ACTN2: variants seen among roughly 807,000 people sequenced by gnomAD.
ACTN2 encodes the protein actinin alpha 2.
ACTN2 carries 39 observed loss-of-function variants against 113.8 expected under a neutral mutation model. The ratio of observed to expected loss-of-function variants is 0.34; its 90% confidence interval spans 0.27 to 0.45. The LOEUF (loss-of-function observed/expected upper bound fraction) is 0.45. Ranked by LOEUF, ACTN2 falls within the 20% of genes least tolerant of loss-of-function variation. ACTN2 has a pLI of 1.00. For missense variants in ACTN2, 992 were observed against 1,177.9 expected (o/e 0.84, Z 2.31); for synonymous variants, 429 against 444.1 (o/e 0.97, Z 0.43).
intron 18 of ACTN2, 120 bp downstream of exon 18, chr1:236,757,752 A>G (rs1366429846): frequency 7.3e-7 from 1 of 1,364,230 alleles, no homozygotes; most frequent in Non-Finnish European, 1.0e-6. Flanking sequence ...GAAACAGGAT[A>G]GTTAATGACA....
intron 4 of ACTN2, among the ~76,000 whole-genome samples, chr1:236,722,786 T>C (rs1327178887): frequency 2.0e-5 from 3 of 152,172 alleles, no homozygotes; most frequent in African/African-American, 7.2e-5. Context: ...GTAACATGCT[T>C]TTTATACCAT....
At chr1:236,725,837 A>T in intron 4 of ACTN2, 96 bp from the exon 5 acceptor site, 1 of 1,085,150 alleles carries the variant, frequency 9.2e-7, no homozygotes, top group South Asian at 1.2e-5. Flanking sequence ...CCCCTGGGTG[A>T]TCGACCCCCT....
At chr1:236,749,685 C>T (rs1659339154) in intron 14 of ACTN2, among the ~76,000 whole-genome samples, 1 of 152,116 alleles carries the variant, frequency 6.6e-6, no homozygotes, top group Admixed American at 6.5e-5. Context: ...CCTGGAGTCC[C>T]AGCTACTGGG....
At chr1:236,735,781 G>T in intron 8 of ACTN2, 61 bp downstream of exon 8, 1 of 1,391,072 alleles carries the variant, frequency 7.2e-7, no homozygotes, top group Non-Finnish European at 1.0e-6. Context: ...AGTTGTGTGT[G>T]CATACTTGAG....
chr1:236,743,937 G>A (rs569231582), intron 11 of ACTN2, among the ~76,000 whole-genome samples: 22 of 152,290 alleles, frequency 1.4e-4, no homozygotes, highest in African/African-American at 4.3e-4. Context: ...TTAGAGTAGC[G>A]TCTAGTACAC....
At chr1:236,713,578 A>G (rs1356559090) in intron 1 of ACTN2, among the ~76,000 whole-genome samples, 1 of 152,226 alleles carries the variant, frequency 6.6e-6, no homozygotes, top group Admixed American at 6.5e-5. Context: ...ACCAAAGGGA[A>G]AAAAAAGACG....
In ACTN2 at chr1:236,686,534, C is replaced by T. The variant is rs1350601117; in HGVS notation, c.-140C>T. 9.1e-6 allele frequency: 9 copies of T among 991,542 alleles called. No homozygotes were observed. The highest frequency in any genetic ancestry group is 5.2e-5 in the African/African-American group (3 of 57,350). The allele number at this position is 991,542 out of a possible 1,614,324, so 61.4% of individuals were successfully genotyped here. On this transcript the variant is annotated 5_prime_UTR_variant, in exon 1 of 21. Coordinates refer to ENST00000366578, the MANE Select transcript of ACTN2 (RefSeq NM_001103.4). Reference sequence around the variant, plus strand: ...CTTCGCCCGAGACCCAGCGCCCAGGCGTGTCGCCCCGAGAGGAGCCGCGCG... The same window carrying T: ...CTTCGCCCGAGACCCAGCGCCCAGGTGTGTCGCCCCGAGAGGAGCCGCGCG...
Position 236,754,934 on chromosome 1 carries a change from G to C in ACTN2, c.1975-85G>C. 1 of 1,531,280 alleles carries C rather than the reference G, an allele frequency of 6.5e-7. No homozygotes were observed. Among genetic ancestry groups the C allele is most frequent in the Non-Finnish European group, 9.0e-7 (1 of 1,106,490 alleles). 94.9% of individuals were successfully genotyped at this position (1,531,280 alleles called of 1,614,324 possible). ...GACGCTGGCCTAGCATCCCATGCAGGGTCTGGAACGGCGCCTCGTGCCGAG... is the reference window on the plus strand; with the variant it reads ...GACGCTGGCCTAGCATCCCATGCAGCGTCTGGAACGGCGCCTCGTGCCGAG... On this transcript the variant is annotated intron_variant, in intron 16 of 20. Transcript: ENST00000366578. This position sits in a 1 kb window ranked among gnomAD's most constrained non-coding sequence, Gnocchi z 4.9.
chr1:236,693,720 C>G (rs1435309206), intron 1 of ACTN2, among the ~76,000 whole-genome samples: 3 of 152,136 alleles, frequency 2.0e-5, no homozygotes, highest in Non-Finnish European at 4.4e-5. Context: ...AGGGTGGTGG[C>G]CTCCCTTTTT....
At chr1:236,725,739 C>T (rs992169278) in intron 4 of ACTN2, among the ~76,000 whole-genome samples, 194 bp from the exon 5 acceptor site, 2 of 152,164 alleles carry the variant, frequency 1.3e-5, no homozygotes, top group Admixed American at 6.5e-5. Flanking sequence ...CTGCATTGTC[C>T]TTTTGAAGTC....
Position 236,686,506 on chromosome 1 carries a change from G to A in ACTN2, c.-168G>A, listed in dbSNP as rs1572086527. ...CGGCAGCTGCTCGCAGCCGGAGCTG[G>A]TGCTTCGCCCGAGACCCAGCGCCCA... On this transcript the variant is annotated 5_prime_UTR_variant, in exon 1 of 21. It adds an upstream start codon to the 5' untranslated region. Transcript: ENST00000366578. 3 of 654,184 alleles carry A rather than the reference G, an allele frequency of 4.6e-6. No homozygotes were observed. The allele number at this position is 654,184 out of a possible 1,614,324, so 40.5% of individuals were successfully genotyped here. A position where few individuals can be genotyped will look rare whatever the true frequency, so the allele number is the denominator to read the frequency against.
At chr1:236,699,587 G>C (rs929762318) in intron 1 of ACTN2, among the ~76,000 whole-genome samples, 1 of 152,156 alleles carries the variant, frequency 6.6e-6, no homozygotes, top group Non-Finnish European at 1.5e-5. Flanking sequence ...TAGAAAATGA[G>C]ACTTTCAGAG....
rs554672772 is a variant in ACTN2, at chr1:236,705,194, CTG to C, written c.127-12656_127-12655del. 5.2e-3 allele frequency among the ~76,000 whole-genome samples: 783 copies of C among 151,856 alleles called. 8 individuals are homozygous for C. The highest frequency in any genetic ancestry group is 0.018 in the African/African-American group (750 of 41,318). On this transcript the variant is annotated intron_variant, in intron 1 of 20. Coordinates refer to ENST00000366578, the MANE Select transcript of ACTN2 (RefSeq NM_001103.4). The stretch of plus-strand genomic sequence containing the variant: ...ATGGATAAAACATATAAATATATAC[CTG>C]TGTGTGTATAAATATATATATATAA...
chr1:236,713,226 CTT>C (rs60295974), intron 1 of ACTN2, among the ~76,000 whole-genome samples: 127 of 144,064 alleles, frequency 8.8e-4, no homozygotes, highest in African/African-American at 3.1e-3. Flanking sequence ...GTTCTTTTTT[CTT>C]TTTTTTTTTT....
At chr1:236,747,189 C>A (rs1475061642) in intron 12 of ACTN2, among the ~76,000 whole-genome samples, 1 of 152,232 alleles carries the variant, frequency 6.6e-6, no homozygotes, top group Non-Finnish European at 1.5e-5. Flanking sequence ...ATTAAGAAGA[C>A]AACGGTTCTC....
At chr1:236,707,070 T>G (rs944139979) in intron 1 of ACTN2, among the ~76,000 whole-genome samples, 1 of 152,276 alleles carries the variant, frequency 6.6e-6, no homozygotes, top group Non-Finnish European at 1.5e-5. Context: ...TGGTGTATTA[T>G]GAACCAAGTC....
rs1367363049 is a variant in ACTN2 at position 236,754,116 on chromosome 1, C to A, written c.1974+35C>A. 2 of 1,611,568 alleles carry A rather than the reference C, an allele frequency of 1.2e-6. No homozygotes were observed. Among genetic ancestry groups the A allele is most frequent in the African/African-American group, 2.7e-5 (2 of 74,938 alleles). On this transcript the variant is annotated intron_variant, in intron 16 of 20. Coordinates refer to ENST00000366578, the MANE Select transcript of ACTN2 (RefSeq NM_001103.4). The surrounding 1 kb of genome is among the most constrained non-coding windows in gnomAD (Gnocchi z 4.9). ...CGCCCTCCCAGGCGCTGTTCACAAG[C>A]CTTGCGATAAGTCCCTTTAGCCACG... is the stretch of plus-strand genomic sequence containing the variant.
At chr1:236,720,619 T>C (rs190402200) in intron 4 of ACTN2, among the ~76,000 whole-genome samples, 7 of 152,266 alleles carry the variant, frequency 4.6e-5, no homozygotes, top group Non-Finnish European at 7.4e-5. Flanking sequence ...CTTTTTCTTT[T>C]TTCTTCTTTT....
At position 236,759,778 on chromosome 1, in the gene ACTN2, G is replaced by A. The variant is rs1012982310; in HGVS notation, c.2356G>A (p.Gly786Ser). The A allele has an allele frequency of 1.8e-5, 29 of 1,613,536 alleles. No homozygotes were observed. The highest frequency in any genetic ancestry group is 2.7e-5 in the African/African-American group (2 of 74,896). ...TTTCAGAGCCTGCCTGATTTCCATG[G>A]GTTATGACCTGGTAAGACAGAAGTT... ...EDFRACLISM[G>S]YDLGEAEFAR... The change falls in exon 19 of 21, where the codon GGT becomes AGT. Residue 786 changes from glycine to serine, a missense_variant. Around this residue, in one of 3 missense-constraint regions of ACTN2, gnomAD observed 736 missense variants for 815.4 expected, o/e 0.90. Transcript: ENST00000366578.
Sources: allele counts gnomAD v4.1 joint callset (sites outside exome capture counted in the v4.1 genomes callset), GRCh38; gene constraint gnomAD v4.1.1; regional missense constraint gnomAD v4.1.1; non-coding constraint Gnocchi (gnomAD v3.1); transcripts MANE v1.5; gene names NCBI Gene and HGNC (gene_info 2026-07-23, HGNC 2026-07-21).